The following RIPOR2 variants were observed in gnomAD, a reference collection of about 807,000 sequenced individuals.
The protein encoded by RIPOR2 is rho family-interacting cell polarization regulator 2.
Under a neutral mutation model 114.5 loss-of-function variants are expected in RIPOR2, and 39 were observed. That is an observed-to-expected ratio of 0.34 (90% CI 0.26 to 0.44). The LOEUF is 0.44. RIPOR2 is among the 20% of genes least tolerant of loss of function. RIPOR2 has a pLI of 1.00. For synonymous variants in RIPOR2, 445 were observed against 484.4 expected (o/e 0.92, Z 1.07); for missense variants, 1,007 against 1,255.1 (o/e 0.80, Z 2.99).
intron 1 of RIPOR2, among the ~76,000 whole-genome samples, chr6:24,882,965 A>G (rs1172550638): frequency 2.6e-5 from 4 of 152,146 alleles, no homozygotes; most frequent in Admixed American, 6.5e-5. Context: ...GCTAAAGGAA[A>G]CCCCTGCAAG....
At chr6:24,825,818 C>T (rs536825955) in intron 18 of RIPOR2, among the ~76,000 whole-genome samples, 1 of 152,272 alleles carries the variant, frequency 6.6e-6, no homozygotes, top group South Asian at 2.1e-4. Context: ...TCTGGCAAAA[C>T]CCCAATCCTG....
At chr6:24,950,364 A>G in intron 1 of RIPOR2, among the ~76,000 whole-genome samples, 1 of 152,070 alleles carries the variant, frequency 6.6e-6, no homozygotes, top group African/African-American at 2.4e-5. Flanking sequence ...CCTCCCTCCT[A>G]TTCAACCATC....
chr6:24,865,366 G>T lies in RIPOR2; in HGVS notation c.586C>A (p.Pro196Thr), dbSNP rs1294078725. The T allele has an allele frequency of 6.2e-7, 1 of 1,613,538 alleles. No individual in the cohort carries two copies. Among genetic ancestry groups the T allele is most frequent in the Non-Finnish European group, 8.5e-7 (1 of 1,179,714 alleles). The change falls in exon 7 of 22, where the codon CCT (proline) becomes ACT (threonine). Residue 196 changes from proline (P) to threonine (T), a missense_variant. By Grantham distance (38) the Pro-to-Thr change is conservative. Coordinates refer to ENST00000643898, the MANE Select transcript of RIPOR2 (RefSeq NM_001286445.3). ...SKMKQAFATS[P>T]ASKAARESLT... The stretch of plus-strand genomic sequence containing the variant: ...CTCTCCCGGGCAGCTTTGCTGGCAG[G>T]GGATGTTGCGAAGGCTTGCTTCATT...
intron 21 of RIPOR2, among the ~76,000 whole-genome samples, chr6:24,808,845 C>T (rs6919697): frequency 0.44 from 65,789 of 150,862 alleles, 15,454 homozygotes; most frequent in Non-Finnish European, 0.53. Context: ...CTGCAACCTC[C>T]GTTTCCTGGG....
intron 1 of RIPOR2, chr6:25,023,760 G>A (rs1776449173): frequency 6.2e-6 from 5 of 801,672 alleles, no homozygotes; most frequent in South Asian, 5.3e-5. Flanking sequence ...AAGGAGGTCG[G>A]GTGGGTGGAG....
chr6:24,877,506 G>A (rs188670453), intron 1 of RIPOR2: 3 of 209,310 alleles, frequency 1.4e-5, no homozygotes, highest in South Asian at 3.4e-4. Flanking sequence ...AAGTACGTAT[G>A]AGCAGTAAAA....
Position 24,850,623 on chromosome 6 carries a change from G to C in RIPOR2, c.859C>G (p.Leu287Val). 1.9e-6 allele frequency: 3 copies of C among 1,613,860 alleles called. No individual in the cohort carries two copies. In the South Asian group the frequency reaches 3.3e-5, roughly 18 times the overall value. The change falls in exon 10 of 22, where the codon CTG (leucine) becomes GTG (valine). Residue 287 changes from leucine to valine, a missense_variant. Physicochemically the swap from Leu to Val is conservative, Grantham distance 32. Coordinates refer to ENST00000643898, the MANE Select transcript of RIPOR2 (RefSeq NM_001286445.3). ...WDGEETVFLP[L>V]IVGFISIKVT... ...TTGATGGAGATGAACCCAACTATCA[G>C]GGGCAGAAAAACTGTTTCTTCTCCA...
At chr6:24,907,596 A>G (rs915046278) in intron 1 of RIPOR2, among the ~76,000 whole-genome samples, 3 of 152,256 alleles carry the variant, frequency 2.0e-5, no homozygotes, top group Non-Finnish European at 4.4e-5. Flanking sequence ...GAGGAGACAC[A>G]GAAGAGGGAA....
At chr6:24,871,939 C>T (rs1765220694) in intron 4 of RIPOR2, among the ~76,000 whole-genome samples, 1 of 152,182 alleles carries the variant, frequency 6.6e-6, no homozygotes, top group African/African-American at 2.4e-5. Context: ...TATATCCTAA[C>T]ATCAGTAGAA....
rs144629236 is a variant in RIPOR2 at position 25,007,024 on chromosome 6, G to A, written c.76+34827C>T. Among the ~76,000 whole-genome samples the A allele has an allele frequency of 2.4e-4, 36 of 152,316 alleles. No homozygotes were observed. In the East Asian group the frequency reaches 6.7e-3, roughly 29 times the overall value. On this transcript the variant is annotated intron_variant, in intron 1 of 13. Transcript: ENST00000510784. Reference sequence around the variant, plus strand: ...GGTCTCTTGCTCAACCAAAAGCAGGGAGAGTTCTCCATAACCAAGGGCCTG... The same window carrying A: ...GGTCTCTTGCTCAACCAAAAGCAGGAAGAGTTCTCCATAACCAAGGGCCTG...
In RIPOR2 at chr6:25,037,487, C is replaced by G. The variant is rs1338667693; in HGVS notation, c.76+4364G>C. Among the ~76,000 whole-genome samples, 1 of 152,170 alleles carries G rather than the reference C, an allele frequency of 6.6e-6. No individual in the cohort carries two copies. Among genetic ancestry groups the G allele is most frequent in the Non-Finnish European group, 1.5e-5 (1 of 68,030 alleles). ...ACCTGGGCAGGTCACAGGTAAGCAG[C>G]TTGACAGGGTTTACAGGACACCAGA... On this transcript the variant is annotated intron_variant, in intron 1 of 13. Transcript: ENST00000510784. The surrounding 1 kb of genome is among the most constrained non-coding windows in gnomAD (Gnocchi z 4.5).
At chr6:25,040,828 T>C (rs993590504) in intron 1 of RIPOR2, among the ~76,000 whole-genome samples, 7 of 152,130 alleles carry the variant, frequency 4.6e-5, no homozygotes, top group Admixed American at 6.5e-5. Context: ...CTTGACGTCA[T>C]GATCCTCCCG....
intron 1 of RIPOR2, among the ~76,000 whole-genome samples, chr6:24,917,318 A>C (rs1770156004): frequency 6.6e-6 from 1 of 152,334 alleles, no homozygotes; most frequent in Non-Finnish European, 1.5e-5. Context: ...TAGATGGACA[A>C]AAATGTTGGC....
chr6:25,031,702 T>C (rs1776955299), intron 1 of RIPOR2, among the ~76,000 whole-genome samples: 2 of 1,404 alleles, frequency 1.4e-3, no homozygotes, highest in Admixed American at 0.012. Flanking sequence ...GTGGTAGTTA[T>C]ATATATATAT....
chr6:25,029,694 C>T (rs1380680622), intron 1 of RIPOR2, among the ~76,000 whole-genome samples: 3 of 152,050 alleles, frequency 2.0e-5, no homozygotes, highest in South Asian at 2.1e-4. Flanking sequence ...TGTAGCCTTA[C>T]CCTGAAGATT....
chr6:24,891,688 A>G (rs1170773300), intron 1 of RIPOR2, among the ~76,000 whole-genome samples: 1 of 152,172 alleles, frequency 6.6e-6, no homozygotes, highest in Non-Finnish European at 1.5e-5. Context: ...TATTACTTGT[A>G]TTCTGAGCCC....
At chr6:24,839,955 T>C in intron 13 of RIPOR2, 5 of 994,684 alleles carry the variant, frequency 5.0e-6, no homozygotes, top group South Asian at 7.5e-5. Context: ...TTTTTTTTTT[T>C]TTTTTTTTTT....
intron 1 of RIPOR2, among the ~76,000 whole-genome samples, chr6:24,887,004 T>C (rs1766897602): frequency 1.3e-5 from 2 of 152,224 alleles, no homozygotes. Context: ...TTCATTTCTT[T>C]CTTTATTGTC....
chr6:24,882,243 A>G (rs1433727989), intron 1 of RIPOR2, among the ~76,000 whole-genome samples: 2 of 152,240 alleles, frequency 1.3e-5, no homozygotes, highest in Non-Finnish European at 2.9e-5. Flanking sequence ...GTGTTTGATT[A>G]GCTTGAGTTA....
Sources: allele counts gnomAD v4.1 joint callset (sites outside exome capture counted in the v4.1 genomes callset), GRCh38; gene constraint gnomAD v4.1.1; non-coding constraint Gnocchi (gnomAD v3.1); transcripts MANE v1.5; gene names NCBI Gene and HGNC (gene_info 2026-07-23, HGNC 2026-07-21).